The following CACNA1E variants were observed in gnomAD, a reference collection of about 807,000 sequenced individuals.
CACNA1E encodes calcium voltage-gated channel subunit alpha1 E.
A neutral mutation model predicts 259.2 loss-of-function variants in CACNA1E; 40 were observed. That is an observed-to-expected ratio of 0.15 (90% CI 0.12 to 0.20). The LOEUF is 0.20. Ranked by LOEUF, CACNA1E falls within the 10% of genes least tolerant of loss-of-function variation. CACNA1E has a pLI of 1.00. For synonymous variants in CACNA1E, 1,104 were observed against 1,138.5 expected (o/e 0.97, Z 0.61); for missense variants, 1,874 against 3,040.1 (o/e 0.62, Z 9.02).
intron 1 of CACNA1E, among the ~76,000 whole-genome samples, chr1:181,359,489 C>T (rs1653704466): frequency 6.6e-6 from 1 of 152,116 alleles, no homozygotes; most frequent in African/African-American, 2.4e-5. Context: ...TCCAGTGTGG[C>T]TGAAGGGAGA....
chr1:181,767,321 G>GT (rs1450312385), intron 35 of CACNA1E, among the ~76,000 whole-genome samples: 4 of 152,182 alleles, frequency 2.6e-5, no homozygotes, highest in Non-Finnish European at 5.9e-5. Context: ...GTGGTTCTTG[G>GT]TGGGTGAATT....
At chr1:181,496,598 G>C (rs751831743) in intron 1 of CACNA1E, among the ~76,000 whole-genome samples, 5 of 152,138 alleles carry the variant, frequency 3.3e-5, no homozygotes, top group Non-Finnish European at 4.4e-5. Flanking sequence ...AGGGTGCTGT[G>C]GGGGGAAGGG....
chr1:181,585,441 G>A (rs1433696381), intron 6 of CACNA1E, among the ~76,000 whole-genome samples: 1 of 152,204 alleles, frequency 6.6e-6, no homozygotes, highest in Admixed American at 6.5e-5. Flanking sequence ...TGTTCTAGAT[G>A]TTGGTGATAC....
intron 47 of CACNA1E, among the ~76,000 whole-genome samples, chr1:181,797,954 G>C (rs1661956484): frequency 6.6e-6 from 1 of 152,140 alleles, no homozygotes; most frequent in Non-Finnish European, 1.5e-5. Flanking sequence ...AGTAGTCCAA[G>C]TGCTTGTTCC....
intron 2 of CACNA1E, among the ~76,000 whole-genome samples, chr1:181,426,751 G>A (rs67563505): frequency 0.28 from 17,956 of 64,256 alleles, 1,315 homozygotes; most frequent in Middle Eastern, 0.42. Flanking sequence ...GCCCCTTCCC[G>A]TCTCAACCCC....
chr1:181,787,282 G>A (rs1305061769), intron 43 of CACNA1E, among the ~76,000 whole-genome samples: 4 of 152,206 alleles, frequency 2.6e-5, no homozygotes, highest in African/African-American at 7.2e-5. Flanking sequence ...ACTATGCCCA[G>A]CTAATTTTTA....
chr1:181,580,848 C>A, intron 6 of CACNA1E, 72 bp downstream of exon 6: 1 of 1,410,886 alleles, frequency 7.1e-7, no homozygotes, highest in Non-Finnish European at 9.9e-7. Context: ...GGTTGTTTGG[C>A]CTGGCTAGTC....
intron 3 of CACNA1E, among the ~76,000 whole-genome samples, chr1:181,528,968 A>G (rs1285599141): frequency 6.6e-6 from 1 of 152,264 alleles, no homozygotes; most frequent in East Asian, 1.9e-4. Context: ...ATAAGTAGCA[A>G]GGAGCCTAAT....
chr1:181,319,703 A>G (rs964537865), intron 1 of CACNA1E, among the ~76,000 whole-genome samples: 6 of 152,234 alleles, frequency 3.9e-5, no homozygotes, highest in African/African-American at 1.2e-4. Context: ...CACATGGCCA[A>G]TGAAGACTCC....
intron 3 of CACNA1E, among the ~76,000 whole-genome samples, chr1:181,544,905 T>C (rs1267977446): frequency 6.6e-6 from 1 of 152,206 alleles, no homozygotes; most frequent in African/African-American, 2.4e-5. Flanking sequence ...TGTTTTGCAT[T>C]TTAAGAATGT....
chr1:181,749,650 T>C (rs1168892443), intron 25 of CACNA1E, among the ~76,000 whole-genome samples: 16 of 152,336 alleles, frequency 1.1e-4, no homozygotes, highest in Non-Finnish European at 5.9e-5. Context: ...TAAAATTGCT[T>C]AGCACAGAGT....
chr1:181,568,252 C>T (rs1337207246), intron 3 of CACNA1E, among the ~76,000 whole-genome samples: 1 of 152,138 alleles, frequency 6.6e-6, no homozygotes, highest in Non-Finnish European at 1.5e-5. Context: ...CCCCAGCATG[C>T]ATGTTGTCAG....
intron 7 of CACNA1E, among the ~76,000 whole-genome samples, chr1:181,659,036 G>A (rs1659437593): frequency 6.6e-6 from 1 of 152,068 alleles, no homozygotes; most frequent in Non-Finnish European, 1.5e-5. Flanking sequence ...TAATTCAGAA[G>A]CAGCCTGGGA....
rs1026621235 is a variant in CACNA1E, at chr1:181,799,430, C to T, written c.*596C>T. On this transcript the variant is annotated 3_prime_UTR_variant, in exon 48 of 48. Coordinates refer to ENST00000367573, the MANE Select transcript of CACNA1E (RefSeq NM_001205293.3). ...AGGAGAAAGCCGAAGCGAAAGGGGT[C>T]AGGGTGCTGAGGCAACAGCAGCAAG... 5 of 153,158 alleles carry T rather than the reference C, an allele frequency of 3.3e-5. No individual in the cohort carries two copies. The highest frequency in any genetic ancestry group is 5.8e-5 in the Non-Finnish European group (4 of 68,452). 9.5% of individuals were successfully genotyped at this position (153,158 alleles called of 1,614,324 possible).
chr1:181,522,993 T>C (rs1263065538), intron 3 of CACNA1E, among the ~76,000 whole-genome samples: 2 of 152,242 alleles, frequency 1.3e-5, no homozygotes, highest in Non-Finnish European at 2.9e-5. Context: ...CATTCTGTTC[T>C]GAAATACAAG....
At chr1:181,752,342 T>C (rs1243859772) in intron 27 of CACNA1E, 103 bp downstream of exon 27, 19 of 838,550 alleles carry the variant, frequency 2.3e-5, no homozygotes, top group Non-Finnish European at 3.1e-5. Context: ...GAATATTCCT[T>C]TTTCTCACAC....
chr1:181,495,493 A>G (rs12126049), intron 1 of CACNA1E, among the ~76,000 whole-genome samples: 13,694 of 152,312 alleles, frequency 0.09, 861 homozygotes, highest in Non-Finnish European at 0.14. Context: ...TGTTTGGCAA[A>G]TAGTAAGCTG....
intron 1 of CACNA1E, among the ~76,000 whole-genome samples, chr1:181,370,939 T>G (rs1654661056): frequency 6.6e-6 from 1 of 152,180 alleles, no homozygotes; most frequent in African/African-American, 2.4e-5. Context: ...AACATGTTAT[T>G]TTTTGACTTT....
intron 3 of CACNA1E, 110 bp downstream of exon 3, chr1:181,511,620 G>A: frequency 1.6e-6 from 2 of 1,270,048 alleles, no homozygotes; most frequent in Non-Finnish European, 1.1e-6. Context: ...TGTAGAGTAG[G>A]GGCAGAAGAA....
Sources: allele counts gnomAD v4.1 joint callset (sites outside exome capture counted in the v4.1 genomes callset), GRCh38; gene constraint gnomAD v4.1.1; transcripts MANE v1.5; gene names NCBI Gene and HGNC (gene_info 2026-07-23, HGNC 2026-07-21).